NVL: variants seen among roughly 807,000 people sequenced by gnomAD.
NVL encodes the protein nuclear VCP like.
NVL carries 84 observed loss-of-function variants against 110.2 expected under a neutral mutation model. The observed-to-expected ratio is 0.76, with a 90% CI of 0.64 to 0.91. The LOEUF is 0.91. Ranked by LOEUF, NVL falls within the 40% of genes least tolerant of loss-of-function variation. The pLI, the probability that NVL is intolerant of heterozygous loss-of-function variation, is 0.00. For synonymous variants in NVL, 354 were observed against 361.1 expected, an observed-to-expected ratio of 0.98 and a Z score of 0.22; for missense variants, 882 against 1,035.9, an observed-to-expected ratio of 0.85 and a Z score of 2.04.
In NVL at chr1:224,268,043, T is replaced by C; in HGVS notation, c.2173A>G (p.Asn725Asp). 1 of 1,611,924 alleles carries C rather than the reference T, an allele frequency of 6.2e-7. No individual in the cohort carries two copies. Among genetic ancestry groups the C allele is most frequent in the Non-Finnish European group, 8.5e-7 (1 of 1,178,160 alleles). The change falls in exon 18 of 23, where the codon AAC becomes GAC. Residue 725 changes from asparagine (N) to aspartate (D), a missense_variant. Asn to Asp is a conservative substitution (Grantham distance 23, BLOSUM62 1). Transcript: ENST00000281701. ...RQQVFIMAAT[N>D]RPDIIDPAIL... is the part of the protein sequence containing the mutation. ...TATTTTTATTTCTTACCTGGCCTGT[T>C]AGTGGCTGCCATAATAAAAACCTGC...
At chr1:224,290,822 T>C (rs1667305782) in intron 12 of NVL, among the ~76,000 whole-genome samples, 1 of 147,784 alleles carries the variant, frequency 6.8e-6, no homozygotes, top group Non-Finnish European at 1.5e-5. Flanking sequence ...AAAAAAAAAT[T>C]AGCTGGGCAT....
At position 224,288,331 on chromosome 1, in the gene NVL, A is replaced by G. The variant is rs1667062596; in HGVS notation, c.1576-338T>C. 2.0e-5 allele frequency among the ~76,000 whole-genome samples: 3 copies of G among 152,178 alleles called. No individual in the cohort carries two copies. In the South Asian group the frequency reaches 6.2e-4, roughly 32 times the overall value. On this transcript the variant is annotated intron_variant, in intron 13 of 22. Coordinates refer to ENST00000281701, the MANE Select transcript of NVL (RefSeq NM_002533.4). ...CATGTTTCATTTATAAATATTCAAG[A>G]AACAGTTGAATCCTGATGAAATTAA...
chr1:224,294,285 T>C lies in NVL; in HGVS notation c.1307A>G (p.Asp436Gly). 1.2e-6 allele frequency: 2 copies of C among 1,614,198 alleles called. No homozygotes were observed. The highest frequency in any genetic ancestry group is 1.7e-6 in the Non-Finnish European group (2 of 1,180,044). The change falls in exon 12 of 23, where the codon GAT becomes GGT. Residue 436 changes from aspartate (D) to glycine (G), a missense_variant. Physicochemically the swap from Asp to Gly is moderately conservative, Grantham distance 94. Transcript: ENST00000281701. Reference sequence around the variant, plus strand: ...AATATACCTTTCCCTGGATGCTTCATCTGGGATACCTAGGCATATTTCTCG... The same window carrying C: ...AATATACCTTTCCCTGGATGCTTCACCTGGGATACCTAGGCATATTTCTCG... Reference protein sequence around the residue: ...FDREICLGIPDEASRERILQT... With the variant: ...FDREICLGIPGEASRERILQT...
chr1:224,268,269 G>A, intron 17 of NVL, 136 bp from the exon 18 acceptor site: 1 of 630,964 alleles, frequency 1.6e-6, no homozygotes, highest in Non-Finnish European at 2.8e-6. Flanking sequence ...ACTATATGCA[G>A]ACACTGTGCA....
intron 2 of NVL, among the ~76,000 whole-genome samples, chr1:224,321,924 AG>A (rs1284142640): frequency 6.6e-6 from 1 of 152,110 alleles, no homozygotes; most frequent in Non-Finnish European, 1.5e-5. Flanking sequence ...GGGGGATTCA[AG>A]GCTAGGTAGA....
intron 18 of NVL, among the ~76,000 whole-genome samples, chr1:224,250,583 G>A (rs1226481951): frequency 6.6e-6 from 1 of 151,862 alleles, no homozygotes; most frequent in Non-Finnish European, 1.5e-5. Flanking sequence ...ATTTCAATAG[G>A]TTTTTGGGGA....
chr1:224,297,027 G>A (rs962662407), intron 10 of NVL, among the ~76,000 whole-genome samples: 3 of 152,092 alleles, frequency 2.0e-5, no homozygotes, highest in African/African-American at 4.8e-5. Flanking sequence ...CACTAGAAAC[G>A]TTATGAGGGT....
At chr1:224,280,712 A>G (rs781701163) in intron 16 of NVL, among the ~76,000 whole-genome samples, 3 of 152,198 alleles carry the variant, frequency 2.0e-5, no homozygotes, top group African/African-American at 4.8e-5. Flanking sequence ...AATAAATTCA[A>G]AGTGTCTTAA....
intron 18 of NVL, among the ~76,000 whole-genome samples, chr1:224,262,106 G>A (rs1404226650): frequency 3.9e-5 from 6 of 152,072 alleles, no homozygotes; most frequent in Non-Finnish European, 7.4e-5. Context: ...TTAAAGGCAA[G>A]AAGATGAAAA....
chr1:224,265,731 G>A (rs1164396745), intron 18 of NVL, among the ~76,000 whole-genome samples: 1 of 152,102 alleles, frequency 6.6e-6, no homozygotes, highest in Non-Finnish European at 1.5e-5. Flanking sequence ...AATGATGCTG[G>A]TTTCAAGAGA....
intron 14 of NVL, among the ~76,000 whole-genome samples, chr1:224,286,872 G>A (rs1046541666): frequency 2.0e-5 from 3 of 152,170 alleles, no homozygotes; most frequent in South Asian, 2.1e-4. Context: ...ACCATGGAAT[G>A]ATGAGTAGAA....
At chr1:224,248,532 G>A (rs1662114655) in intron 19 of NVL, among the ~76,000 whole-genome samples, 2 of 152,120 alleles carry the variant, frequency 1.3e-5, no homozygotes, top group African/African-American at 2.4e-5. Flanking sequence ...TTTAAGTAAC[G>A]ATGGCCCAGT....
intron 3 of NVL, 42 bp from the exon 4 acceptor site, chr1:224,317,835 T>G: frequency 6.5e-7 from 1 of 1,550,158 alleles, no homozygotes; most frequent in East Asian, 2.3e-5. Context: ...AACAATCGTT[T>G]GTATAACTTT....
At chr1:224,294,800 C>A (rs751143660) in intron 11 of NVL, among the ~76,000 whole-genome samples, 3 of 152,006 alleles carry the variant, frequency 2.0e-5, no homozygotes, top group Non-Finnish European at 4.4e-5. Flanking sequence ...AGGGTAAATA[C>A]AATTTTAACA....
intron 1 of NVL, among the ~76,000 whole-genome samples, chr1:224,328,938 G>T (rs1266762726): frequency 6.6e-6 from 1 of 152,120 alleles, no homozygotes; most frequent in African/African-American, 2.4e-5. Context: ...CAGTGCAGCA[G>T]CTTGCACCGG....
At chr1:224,288,122 TA>T in intron 13 of NVL, 129 bp from the exon 14 acceptor site, 1 of 666,318 alleles carries the variant, frequency 1.5e-6, no homozygotes, top group Middle Eastern at 4.2e-4. Context: ...CTATGTATTT[TA>T]ATAATTTTCT....
At chr1:224,250,401 A>G in intron 18 of NVL, 83 bp from the exon 19 acceptor site, 1 of 1,265,252 alleles carries the variant, frequency 7.9e-7, no homozygotes, top group Non-Finnish European at 1.0e-6. Context: ...GTCTTGTTCC[A>G]TCTCCCAGGC....
intron 16 of NVL, among the ~76,000 whole-genome samples, chr1:224,277,487 A>G (rs962769007): frequency 6.6e-6 from 1 of 152,244 alleles, no homozygotes; most frequent in Non-Finnish European, 1.5e-5. Flanking sequence ...GACTTTGGAA[A>G]TGGTAAACCA....
rs1367021796 is a variant in NVL at position 224,326,349 on chromosome 1, G to A, written c.131+42C>T. On this transcript the variant is annotated intron_variant, in intron 2 of 22. Transcript: ENST00000281701. The stretch of plus-strand genomic sequence containing the variant: ...GATATAAACTTTTAAAATGGTAAAG[G>A]AGACATAAAAATCCAAGGATCCGGA... The A allele has an allele frequency of 2.8e-6, 4 of 1,413,268 alleles. No individual in the cohort carries two copies. In the South Asian group the frequency reaches 4.9e-5, roughly 17 times the overall value. 87.5% of individuals were successfully genotyped at this position (1,413,268 alleles called of 1,614,324 possible). A position where few individuals can be genotyped will look rare whatever the true frequency, so the allele number is the denominator to read the frequency against.
Sources: allele counts gnomAD v4.1 joint callset (sites outside exome capture counted in the v4.1 genomes callset), GRCh38; gene constraint gnomAD v4.1.1; transcripts MANE v1.5; gene names NCBI Gene and HGNC (gene_info 2026-07-23, HGNC 2026-07-21).